The following DARS2 variants were observed in gnomAD, a reference collection of about 807,000 sequenced individuals.
DARS2 encodes aspartyl-tRNA synthetase 2, mitochondrial.
A neutral mutation model predicts 83.0 loss-of-function variants in DARS2; 63 were observed. The observed-to-expected ratio is 0.76, with a 90% confidence interval of 0.62 to 0.94. DARS2 has a LOEUF of 0.94. Among genes scored for constraint, DARS2 ranks in the 40% least tolerant of loss-of-function variants. DARS2 has a pLI of 0.00. For synonymous variants in DARS2, 250 were observed against 269.3 expected (o/e 0.93, Z 0.70); for missense variants, 675 against 774.4 (o/e 0.87, Z 1.52).
Position 173,826,669 on chromosome 1 carries a change from T to C in DARS2, c.128-18T>C, listed in dbSNP as rs542791083. On this transcript the variant is annotated intron_variant, in intron 1 of 16. Transcript: ENST00000649689. ...TAATCTTGCCTTTTAAAGTTTCTTT[T>C]TTTTTTTTTTTTTAAAGAATTCAGT... 20 of 1,565,674 alleles carry C rather than the reference T, an allele frequency of 1.3e-5. No homozygotes were observed. The highest frequency in any genetic ancestry group is 4.1e-5 in the African/African-American group (3 of 72,418).
In DARS2 at chr1:173,838,248, G is replaced by A. The variant is rs1396541001; in HGVS notation, c.829G>A (p.Glu277Lys). ...DEGSRPDRQP[E>K]FTQIDIEMSF... ...AGGTTCAAGACCAGACAGACAGCCT[G>A]AGTTTACTCAGGTACAAAGTTATAT... The change falls in exon 9 of 17, where the codon GAG (glutamate) becomes AAG (lysine). Residue 277 changes from glutamate (E) to lysine (K), a missense_variant. Physicochemically the swap from Glu to Lys is moderately conservative, Grantham distance 56. Coordinates refer to ENST00000649689, the MANE Select transcript of DARS2 (RefSeq NM_018122.5). 6.2e-7 allele frequency: 1 copy of A among 1,613,264 alleles called. No individual in the cohort carries two copies. Among genetic ancestry groups the A allele is most frequent in the South Asian group, 1.1e-5 (1 of 91,062 alleles).
rs1178547914 is a variant in DARS2, at chr1:173,842,284, C to CTTTTTTTTTTTTTTTTTTTTT, written c.1128+1324_1128+1344dup. On this transcript the variant is annotated intron_variant, in intron 11 of 16. Coordinates refer to ENST00000649689, the MANE Select transcript of DARS2 (RefSeq NM_018122.5). ...CTCAGGAACTCAGTCTCATTACTTT[C>CTTTTTTTTTTTTTTTTTTTTT]TTTTTTTTTTTTTTTTTTTTTTTTT... 7.8e-5 allele frequency among the ~76,000 whole-genome samples: 5 copies of CTTTTTTTTTTTTTTTTTTTTT among 64,256 alleles called. 2 individuals are homozygous for CTTTTTTTTTTTTTTTTTTTTT. The highest frequency in any genetic ancestry group is 8.7e-4 in the East Asian group (2 of 2,304). 42.2% of individuals were successfully genotyped at this position (64,256 alleles called of 152,430 possible). A position where few individuals can be genotyped will look rare whatever the true frequency, so the allele number is the denominator to read the frequency against.
chr1:173,851,106 C>T (rs879590291), intron 13 of DARS2, among the ~76,000 whole-genome samples: 10 of 151,460 alleles, frequency 6.6e-5, no homozygotes, highest in East Asian at 2.0e-4. Context: ...GGTGTGGTGG[C>T]GGGCTAATTT....
At chr1:173,837,935 C>T (rs1246062209) in intron 8 of DARS2, among the ~76,000 whole-genome samples, 11 of 152,074 alleles carry the variant, frequency 7.2e-5, no homozygotes, top group Admixed American at 7.2e-4. Context: ...CACCCACGCC[C>T]AGCTAATTTT....
rs1426605208 is a variant in DARS2, at chr1:173,828,394, G to A, written c.289G>A (p.Asp97Asn). ...DGLVQVIIPQ[D>N]ESAASVKKIL... Reference sequence around the variant, plus strand: ...GCTTGTTCAAGTTATCATTCCCCAGGATGAGGTAATAGAAAATTTCCTGTT... The same window carrying A: ...GCTTGTTCAAGTTATCATTCCCCAGAATGAGGTAATAGAAAATTTCCTGTT... Residue 97 changes from aspartate to asparagine, a missense_variant, in exon 3 of 17, where the codon GAT becomes AAT. Transcript: ENST00000649689. The A allele has an allele frequency of 1.2e-6, 2 of 1,612,438 alleles. No individual in the cohort carries two copies. The highest frequency in any genetic ancestry group is 1.7e-6 in the Non-Finnish European group (2 of 1,179,326).
chr1:173,856,013 C>T (rs573054691), intron 15 of DARS2, among the ~76,000 whole-genome samples: 1 of 152,138 alleles, frequency 6.6e-6, no homozygotes, highest in Non-Finnish European at 1.5e-5. Flanking sequence ...AGCCCTGCTG[C>T]ACCTTACAAT....
At chr1:173,837,101 G>GA in intron 8 of DARS2, 55 bp downstream of exon 8, 2 of 1,464,124 alleles carry the variant, frequency 1.4e-6, no homozygotes, top group South Asian at 1.1e-5. Context: ...AAAACAAAGG[G>GA]AAAAAAGGAA....
intron 12 of DARS2, among the ~76,000 whole-genome samples, chr1:173,845,536 A>G (rs1653402403): frequency 6.6e-6 from 1 of 152,164 alleles, no homozygotes; most frequent in Admixed American, 6.5e-5. Context: ...GGCTCAAGCA[A>G]TGCTCCTGCC....
chr1:173,834,738 T>G (rs1277337110), intron 7 of DARS2, among the ~76,000 whole-genome samples: 1 of 131,090 alleles, frequency 7.6e-6, no homozygotes, highest in Non-Finnish European at 1.5e-5. Context: ...TTTTGTTTTT[T>G]TTTTTTTTTT....
chr1:173,835,493 C>G (rs1652970389), intron 7 of DARS2, among the ~76,000 whole-genome samples: 1 of 151,322 alleles, frequency 6.6e-6, no homozygotes, highest in Admixed American at 6.6e-5. Flanking sequence ...TGACTTGATC[C>G]CAGGAGTTCA....
At chr1:173,841,238 G>T (rs763405358) in intron 11 of DARS2, among the ~76,000 whole-genome samples, 13 of 152,022 alleles carry the variant, frequency 8.6e-5, no homozygotes, top group African/African-American at 3.1e-4. Context: ...TTAGTCAGGC[G>T]TGGTGGCATG....
At position 173,836,965 on chromosome 1, in the gene DARS2, C is replaced by G. The variant is rs1183077713; in HGVS notation, c.689C>G (p.Ser230Cys). The G allele has an allele frequency of 6.2e-7, 1 of 1,614,010 alleles. No individual in the cohort carries two copies. The highest frequency in any genetic ancestry group is 1.1e-5 in the South Asian group (1 of 91,084). Reference sequence around the variant, plus strand: ...GGTGCCAAAGAGTTTTTAGTACCATCCAGGGAACCTGGAAAGTTTTATTCT... The same window carrying G: ...GGTGCCAAAGAGTTTTTAGTACCATGCAGGGAACCTGGAAAGTTTTATTCT... ...PGGAKEFLVP[S>C]REPGKFYSLP... is the part of the protein sequence containing the mutation. The change falls in exon 8 of 17, where the codon TCC (serine) becomes TGC (cysteine). Residue 230 changes from serine to cysteine, a missense_variant. By Grantham distance (112) the Ser-to-Cys change is moderately radical. Coordinates refer to ENST00000649689, the MANE Select transcript of DARS2 (RefSeq NM_018122.5).
At chr1:173,845,510 C>A (rs1653401202) in intron 12 of DARS2, among the ~76,000 whole-genome samples, 1 of 152,178 alleles carries the variant, frequency 6.6e-6, no homozygotes. Flanking sequence ...CAGCTCACTG[C>A]TGCCTTGATT....
In DARS2 at chr1:173,857,702, T is replaced by C. The variant is rs896542915; in HGVS notation, c.1935T>C (p.His645=). Reference sequence around the variant, plus strand: ...CAGACTCCAAAGCAGAAAGAGCTCATTGAATCATGCATACCATGCAGAAAG... The same window carrying C: ...CAGACTCCAAAGCAGAAAGAGCTCACTGAATCATGCATACCATGCAGAAAG... The part of the protein sequence containing the change: ...KPTDSKAERA[H] Residue 645 remains histidine, a synonymous_variant, in exon 17 of 17, where the codon CAT becomes CAC. Transcript: ENST00000649689. 1.2e-6 allele frequency: 2 copies of C among 1,614,158 alleles called. No homozygotes were observed. Among genetic ancestry groups the C allele is most frequent in the Non-Finnish European group, 1.7e-6 (2 of 1,180,002 alleles).
At chr1:173,829,492 A>C (rs1652714042) in intron 3 of DARS2, among the ~76,000 whole-genome samples, 1 of 152,190 alleles carries the variant, frequency 6.6e-6, no homozygotes, top group South Asian at 2.1e-4. Context: ...TAATTAAAAA[A>C]TTCAAGGCCA....
At chr1:173,826,210 C>G (rs1339078516) in intron 1 of DARS2, among the ~76,000 whole-genome samples, 2 of 147,576 alleles carry the variant, frequency 1.4e-5, no homozygotes, top group East Asian at 2.0e-4. Context: ...GGCGACAGAG[C>G]GAGACTCCAT....
chr1:173,844,436 G>A (rs1010173014), intron 11 of DARS2, among the ~76,000 whole-genome samples: 8 of 151,940 alleles, frequency 5.3e-5, no homozygotes, highest in African/African-American at 1.7e-4. Context: ...TTGGGAGGCC[G>A]AGGCTGGCCA....
intron 13 of DARS2, chr1:173,851,709 A>T (rs1220102899): frequency 5.7e-6 from 2 of 350,028 alleles, no homozygotes; most frequent in Non-Finnish European, 4.0e-6. Context: ...GTAAAGATCA[A>T]GCATGATATA....
At chr1:173,851,327 A>T (rs1369469707) in intron 13 of DARS2, among the ~76,000 whole-genome samples, 2 of 151,998 alleles carry the variant, frequency 1.3e-5, no homozygotes, top group Non-Finnish European at 2.9e-5. Context: ...ACCTGACCCT[A>T]ATTAGAAAAG....
Sources: allele counts gnomAD v4.1 joint callset (sites outside exome capture counted in the v4.1 genomes callset), GRCh38; gene constraint gnomAD v4.1.1; transcripts MANE v1.5; gene names NCBI Gene and HGNC (gene_info 2026-07-23, HGNC 2026-07-21).